Variants in NAV1 observed in about 807,000 individuals in gnomAD.
NAV1 encodes pore membrane and/or filament interacting like protein 3.
In NAV1, 18 loss-of-function variants were observed where a neutral mutation model predicts 175.2. The ratio of observed to expected loss-of-function variants is 0.10; its 90% CI spans 0.07 to 0.15. NAV1 has a LOEUF of 0.15. NAV1 is among the 10% of genes least tolerant of loss of function. NAV1 has a pLI of 1.00. For synonymous variants in NAV1, 897 were observed against 978.7 expected, an observed-to-expected ratio of 0.92 and a Z score of 1.56; for missense variants, 1,731 against 2,436.6, an observed-to-expected ratio of 0.71 and a Z score of 6.10.
intron 3 of NAV1, among the ~76,000 whole-genome samples, chr1:201,753,516 C>T (rs975144743): frequency 2.0e-5 from 3 of 152,104 alleles, no homozygotes; most frequent in African/African-American, 7.2e-5. Flanking sequence ...ATTAGAGAAA[C>T]GGATTGGGGG....
intron 25 of NAV1, 27 bp downstream of exon 29, chr1:201,811,784 T>C (rs1469053041): frequency 1.9e-6 from 3 of 1,603,448 alleles, no homozygotes; most frequent in Non-Finnish European, 2.6e-6. Flanking sequence ...CAAGACAAAA[T>C]TCATCGAAGT....
chr1:201,748,345 G>A (rs1673900467), intron 3 of NAV1, among the ~76,000 whole-genome samples: 1 of 152,064 alleles, frequency 6.6e-6, no homozygotes, highest in South Asian at 2.1e-4. Flanking sequence ...TCTTTTCTGG[G>A]GTTCTCATAT....
At chr1:201,621,387 G>A (rs1169334356), upstream of NAV1, among the ~76,000 whole-genome samples, 15 of 136,646 alleles carry the variant, frequency 1.1e-4, no homozygotes, top group Non-Finnish European at 1.8e-4. Flanking sequence ...AGGCTGGAGT[G>A]CAGTGGTGCA....
upstream of NAV1, among the ~76,000 whole-genome samples, chr1:201,643,255 CTCCT>C (rs1056177163): frequency 6.8e-5 from 9 of 132,700 alleles, no homozygotes; most frequent in African/African-American, 2.7e-4. Context: ...TCCTTCCTCC[CTCCT>C]TCCTTCCCTC....
intron 2 of NAV1, among the ~76,000 whole-genome samples, chr1:201,615,477 C>T (rs1180529114): frequency 6.6e-6 from 1 of 152,064 alleles, no homozygotes; most frequent in Non-Finnish European, 1.5e-5. Flanking sequence ...CTTGGCTAGG[C>T]TGGTTTTGAA....
intron 2 of NAV1, among the ~76,000 whole-genome samples, chr1:201,716,180 C>T (rs768717617): frequency 1.3e-5 from 2 of 152,180 alleles, no homozygotes; most frequent in Non-Finnish European, 2.9e-5. Context: ...AAACCAGCTT[C>T]CCTGGAGATC....
chr1:201,642,517 C>CTTTCTTTCTTTCTTTCTTTCTT (rs1553247043), intron 2 of NAV1, among the ~76,000 whole-genome samples: 5,012 of 117,310 alleles, frequency 0.043, 227 homozygotes, highest in Non-Finnish European at 0.061. Context: ...CGGCCTCTTT[C>CTTTCTTTCTTTCTTTCTTTCTT]TTTCTTTTTT....
At chr1:201,560,310 C>A (rs1666161207) in intron 1 of NAV1, among the ~76,000 whole-genome samples, 1 of 152,152 alleles carries the variant, frequency 6.6e-6, no homozygotes, top group Admixed American at 6.5e-5. Flanking sequence ...AGCAAAAGGT[C>A]AATAATTTTT....
At chr1:201,611,609 T>C (rs558746673) in intron 2 of NAV1, among the ~76,000 whole-genome samples, 13 of 152,278 alleles carry the variant, frequency 8.5e-5, no homozygotes, top group African/African-American at 2.9e-4. Context: ...CTCTCAAGCA[T>C]AGGAATATTG....
intron 1 of NAV1, among the ~76,000 whole-genome samples, chr1:201,626,473 T>C (rs1668333696): frequency 6.6e-6 from 1 of 152,224 alleles, no homozygotes; most frequent in South Asian, 2.1e-4. Flanking sequence ...GGCCTTGGTG[T>C]GGCCTTCCCA....
intron 1 of NAV1, among the ~76,000 whole-genome samples, chr1:201,672,382 TGG>T (rs1291211855): frequency 6.6e-6 from 1 of 152,238 alleles, no homozygotes; most frequent in Non-Finnish European, 1.5e-5. Context: ...GAAAAGTCCC[TGG>T]CCTAAAAGAA....
intron 2 of NAV1, among the ~76,000 whole-genome samples, chr1:201,615,270 T>TC (rs200573393): frequency 1.3e-5 from 2 of 150,432 alleles, no homozygotes; most frequent in African/African-American, 4.9e-5. Flanking sequence ...TTTCTTTCTT[T>TC]TTTTTTTTGT....
At chr1:201,715,268 C>T (rs2102477491) in intron 2 of NAV1, among the ~76,000 whole-genome samples, 1 of 150,768 alleles carries the variant, frequency 6.6e-6, no homozygotes. Flanking sequence ...TCAAGCGATT[C>T]TTCTGCCTCA....
chr1:201,810,250 T>C lies in NAV1; in HGVS notation c.4561+145T>C. ...TTAAGTAATGTGAGATATAAAAAGA[T>C]GAGTAAGACCCAGTCCTAACTTTGG... On this transcript the variant is annotated intron_variant, in intron 23 of 29. Coordinates refer to ENST00000367296, the Ensembl canonical transcript of NAV1. This position sits in a 1 kb window ranked among gnomAD's most constrained non-coding sequence, Gnocchi z 6.0. 8.1e-7 allele frequency: 1 copy of C among 1,229,374 alleles called. No homozygotes were observed. Among genetic ancestry groups the C allele is most frequent in the Non-Finnish European group, 1.1e-6 (1 of 896,874 alleles). 76.2% of individuals were successfully genotyped at this position (1,229,374 alleles called of 1,614,324 possible). A position where few individuals can be genotyped will look rare whatever the true frequency, so the allele number is the denominator to read the frequency against.
chr1:201,648,795 C>T (rs777616439), exon 1 of NAV1: 1 of 1,526,806 alleles, frequency 6.5e-7, no homozygotes, highest in South Asian at 1.3e-5. Context: ...CAGAGGCATG[C>T]TGCCCAAGCG....
chr1:201,592,589 G>A (rs1489487585), intron 2 of NAV1, among the ~76,000 whole-genome samples: 5 of 152,116 alleles, frequency 3.3e-5, no homozygotes, highest in African/African-American at 7.2e-5. Flanking sequence ...TCAGTAAATC[G>A]GGGTCATTAA....
intron 1 of NAV1, among the ~76,000 whole-genome samples, chr1:201,652,776 GTAT>G (rs1669255157): frequency 6.6e-6 from 1 of 152,178 alleles, no homozygotes; most frequent in African/African-American, 2.4e-5. Flanking sequence ...AAGAGAGCCT[GTAT>G]TAATACAGCG....
At chr1:201,602,651 G>GTT (rs375268009) in intron 2 of NAV1, among the ~76,000 whole-genome samples, 24 of 112,762 alleles carry the variant, frequency 2.1e-4, no homozygotes, top group Non-Finnish European at 3.3e-4. Flanking sequence ...TTTTTTTTTG[G>GTT]TTTTTTTTTT....
At chr1:201,635,990 G>A (rs138189350) in intron 2 of NAV1, among the ~76,000 whole-genome samples, 105 of 152,330 alleles carry the variant, frequency 6.9e-4, no homozygotes, top group Middle Eastern at 3.4e-3. Flanking sequence ...TATGGGAGGC[G>A]GAACTATTTG....
Sources: allele counts gnomAD v4.1 joint callset (sites outside exome capture counted in the v4.1 genomes callset), GRCh38; gene constraint gnomAD v4.1.1; non-coding constraint Gnocchi (gnomAD v3.1); transcripts MANE v1.5; gene names NCBI Gene and HGNC (gene_info 2026-07-23, HGNC 2026-07-21).